LRSAM1: variants seen among roughly 807,000 people sequenced by gnomAD.
LRSAM1 encodes the protein leucine rich repeat and sterile alpha motif containing 1.
In LRSAM1, 96 loss-of-function variants were observed where a neutral mutation model predicts 118.1. That is an observed-to-expected ratio of 0.81 (90% CI 0.69 to 0.96). The LOEUF (loss-of-function observed/expected upper bound fraction) is 0.96. Among genes scored for constraint, LRSAM1 ranks in the 40% least tolerant of loss-of-function variants. The probability of loss-of-function intolerance (pLI) is 0.00; values close to 1 mark genes in which losing one functional copy is unlikely to be tolerated. For missense variants in LRSAM1, 804 were observed against 915.5 expected (o/e 0.88, Z 1.57); for synonymous variants, 322 against 364.2 (o/e 0.88, Z 1.32).
intron 23 of LRSAM1, 138 bp downstream of exon 23, chr9:127,496,233 A>G: frequency 7.7e-7 from 1 of 1,299,872 alleles, no homozygotes; most frequent in Non-Finnish European, 1.0e-6. Flanking sequence ...TTGCTTCCAG[A>G]TGGCCAGAAC....
rs1355321987 is a variant in LRSAM1, at chr9:127,479,911, G to C, written c.976G>C (p.Glu326Gln). The C allele has an allele frequency of 6.2e-7, 1 of 1,614,014 alleles. No individual in the cohort carries two copies. The highest frequency in any genetic ancestry group is 8.5e-7 in the Non-Finnish European group (1 of 1,179,962). ...HLNAERQRLQEQLKQTEQNIS... is the reference protein window; with the variant it reads ...HLNAERQRLQQQLKQTEQNIS... ...CAACGCAGAGCGGCAGCGGCTGCAG[G>C]AGCAGCTGAAGCAGACGGAACAGAA... The change falls in exon 14 of 26, where the codon GAG (glutamate) becomes CAG (glutamine). Residue 326 changes from glutamate to glutamine, a missense_variant. Coordinates refer to ENST00000300417, the MANE Select transcript of LRSAM1 (RefSeq NM_001005373.4).
chr9:127,496,640 T>G (rs1836156693), intron 23 of LRSAM1, among the ~76,000 whole-genome samples: 1 of 152,202 alleles, frequency 6.6e-6, no homozygotes, highest in South Asian at 2.1e-4. Flanking sequence ...TATCATCATC[T>G]TTCAGTTGAG....
At chr9:127,460,311 T>C (rs1834686756) in intron 7 of LRSAM1, among the ~76,000 whole-genome samples, 1 of 152,192 alleles carries the variant, frequency 6.6e-6, no homozygotes, top group Non-Finnish European at 1.5e-5. Context: ...ATTGCATCTA[T>C]TTTTAATGGT....
At position 127,481,198 on chromosome 9, in the gene LRSAM1, C is replaced by G; in HGVS notation, c.1059C>G (p.Ser353=). Residue 353 remains serine, a synonymous_variant, in exon 15 of 26, where the codon TCC becomes TCG. Coordinates refer to ENST00000300417, the MANE Select transcript of LRSAM1 (RefSeq NM_001005373.4). Reference sequence around the variant, plus strand: ...TTCTCCACAGACAAAAGAAAAGCTCCGAGATTTTGAAATCGCTGGAAAATG... The same window carrying G: ...TTCTCCACAGACAAAAGAAAAGCTCGGAGATTTTGAAATCGCTGGAAAATG... The part of the protein sequence containing the change: ...LQDNQRQKKS[S]EILKSLENER... 1 of 1,613,690 alleles carries G rather than the reference C, an allele frequency of 6.2e-7. No individual in the cohort carries two copies. Among genetic ancestry groups the G allele is most frequent in the Admixed American group, 1.7e-5 (1 of 59,966 alleles).
In LRSAM1 at chr9:127,501,004, C is replaced by T; in HGVS notation, c.1913-6C>T. On this transcript the variant is annotated splice_region_variant and splice_polypyrimidine_tract_variant and intron_variant, in intron 24 of 25. Coordinates refer to ENST00000300417, the MANE Select transcript of LRSAM1 (RefSeq NM_001005373.4). Reference sequence around the variant, plus strand: ...CTGGCTCAGTCTGTCTGTCTGGTCCCCACAGAGCTGAAACCACCAATGGGT... The same window carrying T: ...CTGGCTCAGTCTGTCTGTCTGGTCCTCACAGAGCTGAAACCACCAATGGGT... 2 of 1,613,944 alleles carry T rather than the reference C, an allele frequency of 1.2e-6. No individual in the cohort carries two copies. The highest frequency in any genetic ancestry group is 1.7e-5 in the Admixed American group (1 of 60,016).
chr9:127,456,770 A>G (rs1186840044), intron 5 of LRSAM1, among the ~76,000 whole-genome samples: 1 of 151,826 alleles, frequency 6.6e-6, no homozygotes, highest in Non-Finnish European at 1.5e-5. Flanking sequence ...GGAGGGCGAG[A>G]CAGGAGAATT....
chr9:127,476,041 A>G (rs535628749), intron 11 of LRSAM1, among the ~76,000 whole-genome samples: 3 of 152,186 alleles, frequency 2.0e-5, no homozygotes, highest in Non-Finnish European at 2.9e-5. Context: ...CACCCGCCAG[A>G]TGTCAAAAAT....
chr9:127,456,526 C>T (rs910738039), intron 5 of LRSAM1, among the ~76,000 whole-genome samples: 1 of 152,088 alleles, frequency 6.6e-6, no homozygotes, highest in African/African-American at 2.4e-5. Flanking sequence ...CCACCACGCC[C>T]AGTCTGTGCT....
intron 11 of LRSAM1, 140 bp from the exon 12 acceptor site, chr9:127,478,794 C>T (rs1282888966): frequency 1.9e-5 from 15 of 802,406 alleles, no homozygotes; most frequent in South Asian, 1.5e-5. Flanking sequence ...CCTCATCCCC[C>T]GACCCCACCA....
chr9:127,464,324 C>T (rs1246378964), intron 9 of LRSAM1, among the ~76,000 whole-genome samples: 1 of 152,076 alleles, frequency 6.6e-6, no homozygotes, highest in Non-Finnish European at 1.5e-5. Flanking sequence ...CTGTCCAGAG[C>T]GGCAGCCACT....
chr9:127,477,582 C>T (rs1835386979), intron 11 of LRSAM1, among the ~76,000 whole-genome samples: 1 of 151,070 alleles, frequency 6.6e-6, no homozygotes, highest in African/African-American at 2.4e-5. Flanking sequence ...GACCTTGTCT[C>T]TACCAAAAAT....
At chr9:127,475,609 A>C in intron 11 of LRSAM1, among the ~76,000 whole-genome samples, 1 of 152,236 alleles carries the variant, frequency 6.6e-6, no homozygotes. Context: ...ATTGGCACAC[A>C]TTTTGACATG....
At chr9:127,462,220 G>A in intron 8 of LRSAM1, 32 bp from the exon 9 acceptor site, 3 of 1,613,470 alleles carry the variant, frequency 1.9e-6, no homozygotes, top group South Asian at 1.1e-5. Flanking sequence ...GGGGATTTGG[G>A]GTGTTGAGCT....
intron 17 of LRSAM1, 166 bp from the exon 18 acceptor site, chr9:127,487,510 C>G (rs956180542): frequency 1.6e-6 from 1 of 636,258 alleles, no homozygotes; most frequent in South Asian, 1.7e-5. Flanking sequence ...GGGATTCAGA[C>G]AGACTCAGTG....
In LRSAM1 at chr9:127,485,461, GA is replaced by G. The variant is rs368916907; in HGVS notation, c.1160-274del. Among the ~76,000 whole-genome samples, 63 of 152,240 alleles carry G rather than the reference GA, an allele frequency of 4.1e-4. 2 individuals carry two copies. The East Asian group carries it at 8.9e-3, about 22-fold the overall frequency. On this transcript the variant is annotated intron_variant, in intron 16 of 25. Coordinates refer to ENST00000300417, the MANE Select transcript of LRSAM1 (RefSeq NM_001005373.4). ...AGTCCCAGCTACTCGGGAGGCTGAG[GA>G]GGAGAATGGCGGGAACCTGGGAGGC...
At position 127,492,784 on chromosome 9, in the gene LRSAM1, G is replaced by T. The variant is rs1835980233; in HGVS notation, c.1504-18G>T. On this transcript the variant is annotated intron_variant, in intron 20 of 25. Coordinates refer to ENST00000300417, the MANE Select transcript of LRSAM1 (RefSeq NM_001005373.4). ...TGCCGCCAGCTCACGGTGGTGCGGG[G>T]TGTGGTCTTGTTCGCAGGAGATGAT... 6.2e-7 allele frequency: 1 copy of T among 1,611,930 alleles called. No homozygotes were observed. The highest frequency in any genetic ancestry group is 8.5e-7 in the Non-Finnish European group (1 of 1,179,054).
chr9:127,456,390 T>G (rs1418720142), intron 5 of LRSAM1, among the ~76,000 whole-genome samples: 1 of 131,968 alleles, frequency 7.6e-6, no homozygotes, highest in Non-Finnish European at 1.6e-5. Context: ...CCCACCACCA[T>G]GCCCAACTAA....
chr9:127,490,375 T>C (rs1055331482), intron 19 of LRSAM1, among the ~76,000 whole-genome samples: 9 of 152,070 alleles, frequency 5.9e-5, no homozygotes, highest in African/African-American at 2.2e-4. Flanking sequence ...GGTGGTGTCA[T>C]AGGGACTTAG....
intron 5 of LRSAM1, 49 bp from the exon 6 acceptor site, chr9:127,457,267 G>A: frequency 6.2e-7 from 1 of 1,608,158 alleles, no homozygotes; most frequent in Non-Finnish European, 8.5e-7. Flanking sequence ...AGCCTGCCCT[G>A]CCTGCTGCTC....
Sources: gnomAD v4.1 joint callset for allele counts (sites outside exome capture counted in the v4.1 genomes callset) on GRCh38, gnomAD v4.1.1 for gene constraint, MANE v1.5 for transcripts, NCBI Gene and HGNC (gene_info 2026-07-23, HGNC 2026-07-21) for gene names.